STXBP6: variants seen among roughly 807,000 people sequenced by gnomAD.
STXBP6 encodes syntaxin binding protein 6.
Under a neutral mutation model 26.9 loss-of-function variants are expected in STXBP6, and 21 were observed. The ratio of observed to expected loss-of-function variants is 0.78; its 90% CI spans 0.55 to 1.12. The LOEUF is 1.12. STXBP6 is among the 50% of genes most tolerant of loss of function. The pLI, the probability that STXBP6 is intolerant of heterozygous loss-of-function variation, is 0.00. For synonymous variants in STXBP6, 97 were observed against 92.6 expected, an observed-to-expected ratio of 1.05 and a Z score of -0.27; for missense variants, 232 against 257.9, an observed-to-expected ratio of 0.90 and a Z score of 0.69.
rs2073881423 is a variant in STXBP6, at chr14:24,970,664, T to C, written c.154+4001A>G. Reference sequence around the variant, plus strand: ...ATTTATTTCTGGGTTTGGGTTATTATGAATGAGACTGTTATAAATACTTGT... The same window carrying C: ...ATTTATTTCTGGGTTTGGGTTATTACGAATGAGACTGTTATAAATACTTGT... On this transcript the variant is annotated intron_variant, in intron 2 of 5. Coordinates refer to ENST00000323944, the MANE Select transcript of STXBP6 (RefSeq NM_001394410.1). 2.0e-5 allele frequency among the ~76,000 whole-genome samples: 3 copies of C among 152,248 alleles called. No individual in the cohort carries two copies. The South Asian group carries it at 6.2e-4, about 32-fold the overall frequency.
intron 4 of STXBP6, among the ~76,000 whole-genome samples, chr14:24,828,029 CA>C (rs2068340567): frequency 6.8e-6 from 1 of 147,878 alleles, no homozygotes; most frequent in Non-Finnish European, 1.5e-5. Flanking sequence ...TCAGCAGTAG[CA>C]CTTTTTTTTT....
chr14:24,891,248 G>A (rs1241618), intron 2 of STXBP6, among the ~76,000 whole-genome samples: 55,540 of 151,814 alleles, frequency 0.37, 10,374 homozygotes, highest in East Asian at 0.43. Context: ...ACTTATGAAC[G>A]TTTCCTTTTT....
intron 2 of STXBP6, among the ~76,000 whole-genome samples, chr14:24,914,306 G>A (rs1333431700): frequency 2.0e-5 from 3 of 151,970 alleles, no homozygotes; most frequent in Non-Finnish European, 4.4e-5. Flanking sequence ...TAATATGCCT[G>A]ACACCATTTT....
At chr14:25,024,156 A>C (rs1436083837) in intron 1 of STXBP6, among the ~76,000 whole-genome samples, 5 of 151,760 alleles carry the variant, frequency 3.3e-5, no homozygotes, top group Non-Finnish European at 7.4e-5. Context: ...AAAAATGCAA[A>C]AAATTAGCCG....
intron 1 of STXBP6, among the ~76,000 whole-genome samples, chr14:24,988,403 A>G (rs2074386154): frequency 6.6e-6 from 1 of 152,210 alleles, no homozygotes; most frequent in African/African-American, 2.4e-5. Flanking sequence ...CAGGTAACCA[A>G]CTACACAAAA....
intron 2 of STXBP6, among the ~76,000 whole-genome samples, chr14:24,882,195 C>T (rs1362003659): frequency 6.7e-5 from 10 of 150,232 alleles, no homozygotes; most frequent in Non-Finnish European, 5.9e-5. Flanking sequence ...CCGGCTAAAA[C>T]GGTGAAACCC....
chr14:24,975,602 C>T (rs1191531431), intron 1 of STXBP6, among the ~76,000 whole-genome samples: 1 of 152,192 alleles, frequency 6.6e-6, no homozygotes, highest in African/African-American at 2.4e-5. Flanking sequence ...GCAGCTCCCA[C>T]ATGTTATGCT....
At chr14:24,851,390 C>T (rs544658590) in intron 4 of STXBP6, among the ~76,000 whole-genome samples, 2 of 147,770 alleles carry the variant, frequency 1.4e-5, no homozygotes, top group Admixed American at 6.8e-5. Context: ...CTCCCCCCTC[C>T]CCCAACCCCA....
intron 1 of STXBP6, among the ~76,000 whole-genome samples, chr14:25,044,355 C>T (rs1470081869): frequency 2.0e-5 from 3 of 152,118 alleles, no homozygotes; most frequent in Non-Finnish European, 4.4e-5. Context: ...TACATATTCA[C>T]CAGCAATCTA....
chr14:25,034,009 C>T (rs1351135780), intron 1 of STXBP6, among the ~76,000 whole-genome samples: 1 of 152,158 alleles, frequency 6.6e-6, no homozygotes, highest in Non-Finnish European at 1.5e-5. Flanking sequence ...TATGACACAG[C>T]ATCTATTTGA....
At chr14:25,024,925 AT>A (rs912796876) in intron 1 of STXBP6, among the ~76,000 whole-genome samples, 1 of 151,954 alleles carries the variant, frequency 6.6e-6, no homozygotes, top group African/African-American at 2.4e-5. Context: ...CCATTTAATG[AT>A]TTTTTTTGTT....
chr14:24,814,129 C>T (rs1486356519), intron 5 of STXBP6, among the ~76,000 whole-genome samples: 1 of 152,130 alleles, frequency 6.6e-6, no homozygotes, highest in Non-Finnish European at 1.5e-5. Flanking sequence ...CCGAATGTGC[C>T]CAGGCTGTCC....
At chr14:24,839,113 A>T (rs1195215475) in intron 4 of STXBP6, among the ~76,000 whole-genome samples, 1 of 152,144 alleles carries the variant, frequency 6.6e-6, no homozygotes, top group African/African-American at 2.4e-5. Context: ...GAGTTCTGTG[A>T]TTGTGAGTGA....
chr14:24,893,285 A>C (rs2070859082), intron 2 of STXBP6, among the ~76,000 whole-genome samples: 1 of 152,244 alleles, frequency 6.6e-6, no homozygotes, highest in South Asian at 2.1e-4. Context: ...ACCTATTCAA[A>C]GTATTCTGCA....
intron 2 of STXBP6, among the ~76,000 whole-genome samples, chr14:24,884,147 T>C (rs1053427642): frequency 1.3e-5 from 2 of 152,184 alleles, no homozygotes; most frequent in African/African-American, 4.8e-5. Context: ...CCACAAATTA[T>C]TAAGATTCAA....
chr14:24,986,827 C>A (rs1476149292), intron 1 of STXBP6, among the ~76,000 whole-genome samples: 4 of 152,194 alleles, frequency 2.6e-5, no homozygotes, highest in Non-Finnish European at 4.4e-5. Context: ...GGATTGAGCA[C>A]ATTCAATGGT....
chr14:24,854,821 T>A (rs2069272172), intron 4 of STXBP6, among the ~76,000 whole-genome samples: 1 of 152,094 alleles, frequency 6.6e-6, no homozygotes, highest in South Asian at 2.1e-4. Context: ...AACATCTATG[T>A]CTAATATTTT....
At chr14:25,019,723 C>T (rs2140419251) in intron 1 of STXBP6, among the ~76,000 whole-genome samples, 1 of 152,274 alleles carries the variant, frequency 6.6e-6, no homozygotes, top group South Asian at 2.1e-4. Flanking sequence ...ACAAATAGAG[C>T]TGTATCTGAA....
chr14:24,970,491 TTCTG>T (rs1293571898), intron 2 of STXBP6, among the ~76,000 whole-genome samples: 15 of 152,306 alleles, frequency 9.8e-5, no homozygotes, highest in African/African-American at 2.6e-4. Context: ...ATATTGATGC[TTCTG>T]TCTGTTTTTT....
Sources: allele counts gnomAD v4.1 joint callset (sites outside exome capture counted in the v4.1 genomes callset), GRCh38; gene constraint gnomAD v4.1.1; transcripts MANE v1.5; gene names NCBI Gene and HGNC (gene_info 2026-07-23, HGNC 2026-07-21).